The following CAMK4 variants were observed in gnomAD, a reference collection of about 807,000 sequenced individuals.
The protein encoded by CAMK4 is calcium/calmodulin dependent protein kinase IV.
In CAMK4, 22 loss-of-function variants were observed where a neutral mutation model predicts 44.9. The observed-to-expected ratio is 0.49, with a 90% CI of 0.35 to 0.70. The LOEUF (loss-of-function observed/expected upper bound fraction) is 0.70. CAMK4 is among the 30% of genes least tolerant of loss of function. The probability of loss-of-function intolerance (pLI) is 0.01; values close to 1 mark genes in which losing one functional copy is unlikely to be tolerated. For synonymous variants in CAMK4, 218 were observed against 215.4 expected, an observed-to-expected ratio of 1.01 and a Z score of -0.11; for missense variants, 498 against 586.8, an observed-to-expected ratio of 0.85 and a Z score of 1.56.
intron 1 of CAMK4, among the ~76,000 whole-genome samples, chr5:111,226,819 G>C (rs1410525437): frequency 2.0e-5 from 3 of 152,310 alleles, no homozygotes; most frequent in African/African-American, 7.2e-5. Flanking sequence ...TTCAGGAAAA[G>C]ATCAAAATTT....
chr5:111,267,125 T>C lies in CAMK4; in HGVS notation c.161+42481T>C, dbSNP rs563963792. 2.6e-5 allele frequency among the ~76,000 whole-genome samples: 4 copies of C among 152,300 alleles called. No individual in the cohort carries two copies. In the East Asian group the frequency reaches 7.7e-4, roughly 29 times the overall value. ...CTATTAATATGATTCTGGTAGTCTCTGAGAGCTTCCTTGTTGTCTATTTTA... is the reference window on the plus strand; with the variant it reads ...CTATTAATATGATTCTGGTAGTCTCCGAGAGCTTCCTTGTTGTCTATTTTA... On this transcript the variant is annotated intron_variant, in intron 1 of 10. Transcript: ENST00000282356.
chr5:111,403,078 C>T (rs2112878615), intron 5 of CAMK4, among the ~76,000 whole-genome samples: 1 of 152,300 alleles, frequency 6.6e-6, no homozygotes, highest in Middle Eastern at 3.4e-3. Context: ...TCCATTTAAA[C>T]ATAACAGAAA....
chr5:111,374,899 C>G lies in CAMK4; in HGVS notation c.290C>G (p.Ser97Ter). 6.2e-7 allele frequency: 1 copy of G among 1,610,176 alleles called. No individual in the cohort carries two copies. Among genetic ancestry groups the G allele is most frequent in the Non-Finnish European group, 8.5e-7 (1 of 1,176,820 alleles). The change falls in exon 3 of 11, where the codon TCA becomes TGA. Residue 97 changes from serine to a stop codon, truncating the protein, a stop_gained. Transcript: ENST00000282356. LOFTEE classifies it high-confidence loss of function. ...GAGATAGGAGTTCTTCTTCGCCTCT[C>G]ACATCCAAACATTGTAAGTGGTTTT... ...RTEIGVLLRL[S>*]HPNIIKLKEI...
At chr5:111,260,302 A>T (rs955452067) in intron 1 of CAMK4, among the ~76,000 whole-genome samples, 4 of 152,130 alleles carry the variant, frequency 2.6e-5, no homozygotes, top group African/African-American at 9.7e-5. Flanking sequence ...ACATTAGTCA[A>T]TATCTTTCTG....
chr5:111,287,574 ATTG>A (rs1354878858), intron 1 of CAMK4, among the ~76,000 whole-genome samples: 2 of 152,186 alleles, frequency 1.3e-5, no homozygotes, highest in Non-Finnish European at 2.9e-5. Context: ...CGATAGTCAT[ATTG>A]TTTTGACTTT....
chr5:111,494,646 T>G lies in CAMK4; in HGVS notation c.*10180T>G. 2 of 136,128 alleles carry G rather than the reference T, an allele frequency of 1.5e-5. No individual in the cohort carries two copies. Among genetic ancestry groups the G allele is most frequent in the East Asian group, 2.5e-4 (1 of 4,060 alleles). The allele number at this position is 136,128 out of a possible 1,614,324, so 8.4% of individuals were successfully genotyped here. On this transcript the variant is annotated 3_prime_UTR_variant, in exon 11 of 11. Coordinates refer to ENST00000282356, the MANE Select transcript of CAMK4 (RefSeq NM_001744.6). ...TAACCCAATTCAGTAATTAAATATG[T>G]AAATTTTGGGGGGGGTTGGGGGGTG... is the stretch of plus-strand genomic sequence containing the variant.
chr5:111,376,737 C>CT (rs1261317151), intron 3 of CAMK4, 123 bp from the exon 4 acceptor site: 6 of 486,404 alleles, frequency 1.2e-5, no homozygotes, highest in Admixed American at 3.4e-5. Context: ...AATGAGGAAA[C>CT]TTTATTAACA....
intron 7 of CAMK4, among the ~76,000 whole-genome samples, chr5:111,454,646 A>AC (rs1424166804): frequency 4.5e-5 from 4 of 89,706 alleles, no homozygotes; most frequent in Non-Finnish European, 1.2e-4. Context: ...GGTCACACAG[A>AC]CAAAAAAAAA....
intron 1 of CAMK4, among the ~76,000 whole-genome samples, chr5:111,332,653 T>C (rs1156764432): frequency 6.6e-6 from 1 of 151,552 alleles, no homozygotes; most frequent in Non-Finnish European, 1.5e-5. Flanking sequence ...TTATTCTTGA[T>C]GCTATTTGAG....
intron 1 of CAMK4, among the ~76,000 whole-genome samples, chr5:111,318,313 G>A (rs1280627522): frequency 6.6e-6 from 1 of 152,114 alleles, no homozygotes; most frequent in Non-Finnish European, 1.5e-5. Context: ...TAGTACCCCT[G>A]TGCCTGTCCC....
Position 111,487,752 on chromosome 5 carries a change from C to T in CAMK4, c.*3286C>T, listed in dbSNP as rs1330499725. On this transcript the variant is annotated 3_prime_UTR_variant, in exon 11 of 11. Coordinates refer to ENST00000282356, the MANE Select transcript of CAMK4 (RefSeq NM_001744.6). ...CTAGTGGCTACCATATTAGACAGCACTAGTCTAGAGTACTTTTTATTTTAA... is the reference window on the plus strand; with the variant it reads ...CTAGTGGCTACCATATTAGACAGCATTAGTCTAGAGTACTTTTTATTTTAA... 1 of 152,100 alleles carries T rather than the reference C, an allele frequency of 6.6e-6. No homozygotes were observed. The highest frequency in any genetic ancestry group is 1.5e-5 in the Non-Finnish European group (1 of 68,034). 9.4% of individuals were successfully genotyped at this position (152,100 alleles called of 1,614,324 possible).
intron 2 of CAMK4, among the ~76,000 whole-genome samples, chr5:111,362,079 A>G (rs76686470): frequency 0.011 from 1,702 of 152,198 alleles, 13 homozygotes; most frequent in Non-Finnish European, 0.017. Flanking sequence ...AGGCACTGAC[A>G]TTTAGTGAAC....
At chr5:111,275,982 A>G (rs1185040046) in intron 1 of CAMK4, among the ~76,000 whole-genome samples, 2 of 152,184 alleles carry the variant, frequency 1.3e-5, no homozygotes, top group Non-Finnish European at 2.9e-5. Flanking sequence ...TTAAATATAT[A>G]GTCCCACCAT....
chr5:111,254,536 G>A (rs1190707418), intron 1 of CAMK4, among the ~76,000 whole-genome samples: 1 of 152,168 alleles, frequency 6.6e-6, no homozygotes, highest in Non-Finnish European at 1.5e-5. Context: ...AAGTTTTAAA[G>A]TGTGTCAGAG....
At chr5:111,470,900 C>T (rs142423185) in intron 7 of CAMK4, among the ~76,000 whole-genome samples, 228 of 152,328 alleles carry the variant, frequency 1.5e-3, no homozygotes, top group African/African-American at 5.3e-3. Flanking sequence ...ATATGAAACA[C>T]GTTATTTTTC....
At chr5:111,460,932 T>A (rs1754622266) in intron 7 of CAMK4, among the ~76,000 whole-genome samples, 1 of 152,114 alleles carries the variant, frequency 6.6e-6, no homozygotes, top group South Asian at 2.1e-4. Flanking sequence ...AAATAAAAAA[T>A]AAGATGAGGG....
At chr5:111,283,363 A>G (rs1366184056) in intron 1 of CAMK4, among the ~76,000 whole-genome samples, 1 of 152,222 alleles carries the variant, frequency 6.6e-6, no homozygotes, top group Non-Finnish European at 1.5e-5. Flanking sequence ...AGATATTCTA[A>G]AACCTCTTCA....
intron 1 of CAMK4, among the ~76,000 whole-genome samples, chr5:111,337,539 T>G (rs1026761202): frequency 3.5e-4 from 52 of 150,530 alleles, no homozygotes; most frequent in African/African-American, 1.1e-3. Context: ...TCAAATAGTG[T>G]TGTTGAAGTC....
intron 7 of CAMK4, among the ~76,000 whole-genome samples, chr5:111,465,790 G>A (rs1215395535): frequency 2.0e-5 from 3 of 152,094 alleles, no homozygotes; most frequent in South Asian, 2.1e-4. Context: ...GAAGAATTGG[G>A]ACCAATCCTA....
Sources: allele counts gnomAD v4.1 joint callset (sites outside exome capture counted in the v4.1 genomes callset), GRCh38; gene constraint gnomAD v4.1.1; transcripts MANE v1.5; gene names NCBI Gene and HGNC (gene_info 2026-07-23, HGNC 2026-07-21).